CEP20: variants seen among roughly 807,000 people sequenced by gnomAD.
The protein encoded by CEP20 is FGFR1OP N-terminal like.
In CEP20, 18 loss-of-function variants were observed where a neutral mutation model predicts 20.0. That is an observed-to-expected ratio of 0.90 (90% confidence interval 0.62 to 1.34). CEP20 has a LOEUF of 1.34. Among genes scored for constraint, CEP20 ranks in the 40% most tolerant of loss-of-function variants. The pLI is 0.00. For missense variants in CEP20, 215 were observed against 201.6 expected, an observed-to-expected ratio of 1.07 and a Z score of -0.40; for synonymous variants, 77 against 73.7, an observed-to-expected ratio of 1.04 and a Z score of -0.23.
intron 1 of CEP20, among the ~76,000 whole-genome samples, chr16:15,887,914 C>CA (rs1399041763): frequency 6.6e-6 from 1 of 151,500 alleles, no homozygotes; most frequent in South Asian, 2.1e-4. Context: ...CCCGTGTCTA[C>CA]AAAAAATACA....
At chr16:15,868,139 C>T (rs60409940) in intron 4 of CEP20, among the ~76,000 whole-genome samples, 2 of 151,828 alleles carry the variant, frequency 1.3e-5, no homozygotes, top group African/African-American at 4.8e-5. Flanking sequence ...ATGAAATTTG[C>T]AAGAAAGGAC....
chr16:15,880,902 C>T (rs2045081877), intron 2 of CEP20, among the ~76,000 whole-genome samples: 1 of 151,498 alleles, frequency 6.6e-6, no homozygotes, highest in Non-Finnish European at 1.5e-5. Context: ...TGATCTCTCA[C>T]TGCCTCCCAT....
chr16:15,884,044 T>C lies in CEP20; in HGVS notation c.190A>G (p.Asn64Asp), dbSNP rs763357439. 6.2e-7 allele frequency: 1 copy of C among 1,613,592 alleles called. No individual in the cohort carries two copies. Among genetic ancestry groups the C allele is most frequent in the African/African-American group, 1.3e-5 (1 of 74,936 alleles). Reference protein sequence around the residue: ...NELIREYLEFNKYKYTASVLI... With the variant: ...NELIREYLEFDKYKYTASVLI... ...ACAGATGCTGTATACTTATATTTGT[T>C]GAATTCTAAATACTCTCGAATTAAT... is the stretch of plus-strand genomic sequence containing the variant. Residue 64 changes from asparagine (N) to aspartate (D), a missense_variant, in exon 2 of 5, where the codon AAC becomes GAC. Transcript: ENST00000255759.
intron 1 of CEP20, 60 bp downstream of exon 1, chr16:15,888,498 C>T (rs1359395002): frequency 1.2e-6 from 2 of 1,611,862 alleles, no homozygotes; most frequent in African/African-American, 1.3e-5. Flanking sequence ...CCCATCCCAT[C>T]CTTTCCACAA....
rs769789210 is a variant in CEP20 at position 15,888,542 on chromosome 16, CCCTGCTCGCACTCACCAG to C, written c.26_28+15del. Reference sequence around the variant, plus strand: ...CCCGACGCTTCCCATGTGGAGGCCTCCCTGCTCGCACTCACCAGCCTTCAACTCTGCCACAGTCGCCAT... The same window carrying C: ...CCCGACGCTTCCCATGTGGAGGCCTCCCTTCAACTCTGCCACAGTCGCCAT... On this transcript the variant is annotated splice_donor_variant and splice_donor_5th_base_variant and coding_sequence_variant and intron_variant, in exon 1 of 5. Transcript: ENST00000255759. LOFTEE classifies it high-confidence loss of function. 5.0e-6 allele frequency: 8 copies of C among 1,614,162 alleles called. No individual in the cohort carries two copies. Among genetic ancestry groups the C allele is most frequent in the Non-Finnish European group, 6.8e-6 (8 of 1,180,018 alleles).
intron 2 of CEP20, among the ~76,000 whole-genome samples, chr16:15,883,585 C>T (rs575432166): frequency 1.3e-5 from 2 of 152,148 alleles, no homozygotes; most frequent in East Asian, 1.9e-4. Flanking sequence ...CCAGGCTGGT[C>T]GCGAACTCCT....
intron 1 of CEP20, among the ~76,000 whole-genome samples, chr16:15,886,905 G>T (rs1024759940): frequency 4.9e-5 from 7 of 144,212 alleles, no homozygotes; most frequent in East Asian, 2.0e-4. Flanking sequence ...TTTTTAATTT[G>T]TTTTTTTTTT....
At chr16:15,869,364 G>T (rs146201707) in intron 4 of CEP20, among the ~76,000 whole-genome samples, 9,798 of 145,580 alleles carry the variant, frequency 0.067, 437 homozygotes, top group East Asian at 0.22. Context: ...AGGCTGGAGT[G>T]TAGTGGCGCA....
At position 15,870,570 on chromosome 16, in the gene CEP20, T is replaced by C. The variant is rs542124530; in HGVS notation, c.448+2921A>G. Among the ~76,000 whole-genome samples the C allele has an allele frequency of 2.0e-5, 3 of 152,196 alleles. No individual in the cohort carries two copies. The South Asian group carries it at 6.2e-4, about 32-fold the overall frequency. On this transcript the variant is annotated intron_variant, in intron 4 of 4. Transcript: ENST00000255759. ...GATACAATGTTACATCACAATACCG[T>C]AAAAGCAAAATATTTAAAACTAAAT...
At chr16:15,870,232 G>T (rs1184116115) in intron 4 of CEP20, among the ~76,000 whole-genome samples, 1 of 152,184 alleles carries the variant, frequency 6.6e-6, no homozygotes, top group Admixed American at 6.5e-5. Context: ...TTACAAACCA[G>T]AAAGTTATTT....
In CEP20 at chr16:15,881,286, A is replaced by C. The variant is rs984075563; in HGVS notation, c.227-1398T>G. On this transcript the variant is annotated intron_variant, in intron 2 of 4. Transcript: ENST00000255759. ...AACCATTTAATATGAAAACTTGACT[A>C]CTGTCACTATATTTCATTCTAGTGA... Among the ~76,000 whole-genome samples the C allele has an allele frequency of 3.9e-5, 6 of 152,274 alleles. No individual in the cohort carries two copies. In the South Asian group the frequency reaches 6.2e-4, roughly 16 times the overall value.
At chr16:15,869,574 G>T (rs1273111711) in intron 4 of CEP20, among the ~76,000 whole-genome samples, 1 of 152,106 alleles carries the variant, frequency 6.6e-6, no homozygotes, top group Non-Finnish European at 1.5e-5. Flanking sequence ...GCCTCCCAAG[G>T]TGCTGGGATT....
chr16:15,886,647 T>G (rs1334959037), intron 1 of CEP20, among the ~76,000 whole-genome samples: 1 of 152,156 alleles, frequency 6.6e-6, no homozygotes, highest in East Asian at 1.9e-4. Flanking sequence ...TTGCCTTCTC[T>G]AAAATAATGA....
chr16:15,881,883 C>G (rs1025289267), intron 2 of CEP20, among the ~76,000 whole-genome samples: 1 of 152,160 alleles, frequency 6.6e-6, no homozygotes, highest in Non-Finnish European at 1.5e-5. Flanking sequence ...CCCCCAATAT[C>G]ATTCTCTGCC....
rs7186197 is a variant in CEP20 at position 15,870,880 on chromosome 16, C to T, written c.448+2611G>A. ...AACAAAGTTAAAAACGAGATCTACA[C>T]GTATCAACAAGTAAAAAAAAGCAAA... On this transcript the variant is annotated intron_variant, in intron 4 of 4. Transcript: ENST00000255759. Among the ~76,000 whole-genome samples, 130 of 151,998 alleles carry T rather than the reference C, an allele frequency of 8.6e-4. 2 individuals carry two copies. Among genetic ancestry groups the T allele is most frequent in the African/African-American group, 2.8e-3 (116 of 41,448 alleles).
chr16:15,882,374 C>T (rs947832079), intron 2 of CEP20, among the ~76,000 whole-genome samples: 6 of 151,120 alleles, frequency 4.0e-5, no homozygotes, highest in Admixed American at 6.6e-5. Flanking sequence ...CCTGTCTCTA[C>T]TAAAAATACA....
chr16:15,868,924 G>A (rs1029393320), intron 4 of CEP20, among the ~76,000 whole-genome samples: 4 of 151,728 alleles, frequency 2.6e-5, no homozygotes, highest in Non-Finnish European at 5.9e-5. Context: ...AAAAATCTTC[G>A]CCAGGAATGT....
chr16:15,885,260 G>A (rs62031724), intron 1 of CEP20, among the ~76,000 whole-genome samples: 26,615 of 151,106 alleles, frequency 0.18, 2,266 homozygotes, highest in East Asian at 0.22. Flanking sequence ...GTGAGCTGAG[G>A]TGGTGCCACT....
At chr16:15,880,066 T>C (rs1287870108) in intron 2 of CEP20, among the ~76,000 whole-genome samples, 178 bp from the exon 3 acceptor site, 2 of 152,244 alleles carry the variant, frequency 1.3e-5, no homozygotes, top group African/African-American at 4.8e-5. Flanking sequence ...ATCTCTTTTG[T>C]TAAATGCATG....
Sources: allele counts gnomAD v4.1 joint callset (sites outside exome capture counted in the v4.1 genomes callset), GRCh38; gene constraint gnomAD v4.1.1; transcripts MANE v1.5; gene names NCBI Gene and HGNC (gene_info 2026-07-23, HGNC 2026-07-21).